Variants in PDGFB observed in about 807,000 individuals in gnomAD.
PDGFB encodes the protein platelet-derived growth factor subunit B.
Under a neutral mutation model 29.0 loss-of-function variants are expected in PDGFB, and 6 were observed. That is an observed-to-expected ratio of 0.21 (90% confidence interval 0.11 to 0.41). PDGFB has a LOEUF of 0.41. Among genes scored for constraint, PDGFB ranks in the 10% least tolerant of loss-of-function variants. PDGFB has a pLI of 1.00. For missense variants in PDGFB, 299 were observed against 341.8 expected (o/e 0.87, Z 0.99); for synonymous variants, 144 against 140.8 (o/e 1.02, Z -0.16).
Position 39,231,968 on chromosome 22 carries a change from T to C in PDGFB, c.251-141A>G. The C allele has an allele frequency of 3.0e-6, 2 of 672,644 alleles. No individual in the cohort carries two copies. The highest frequency in any genetic ancestry group is 1.9e-5 in the South Asian group (1 of 53,194). 41.7% of individuals were successfully genotyped at this position (672,644 alleles called of 1,614,324 possible). A position where few individuals can be genotyped will look rare whatever the true frequency, so the allele number is the denominator to read the frequency against. ...GGGTTCAGGTTTCAAGTCCTGGCTGTCATTAGCCATGGGACTTGGGCAGAT... is the reference window on the plus strand; with the variant it reads ...GGGTTCAGGTTTCAAGTCCTGGCTGCCATTAGCCATGGGACTTGGGCAGAT... On this transcript the variant is annotated intron_variant, in intron 3 of 6. Coordinates refer to ENST00000331163, the MANE Select transcript of PDGFB (RefSeq NM_002608.4). The surrounding 1 kb of genome is among the most constrained non-coding windows in gnomAD (Gnocchi z 4.3).
rs1932361316 is a variant in PDGFB, at chr22:39,233,452, C to T, written c.233G>A (p.Arg78His). Reference sequence around the variant, plus strand: ...AGTCTTACCCAGGCTCCTTCTTCCACGAGCCAAGCTCTCCAGCTCGCCTCC... The same window carrying T: ...AGTCTTACCCAGGCTCCTTCTTCCATGAGCCAAGCTCTCCAGCTCGCCTCC... ...HSGGELESLA[R>H]GRRSLGSLTI... Residue 78 changes from arginine to histidine, a missense_variant, in exon 3 of 7, where the codon CGT becomes CAT. Arg to His is a conservative substitution (Grantham distance 29, BLOSUM62 0). Transcript: ENST00000331163. The T allele has an allele frequency of 2.5e-6, 4 of 1,593,228 alleles. No individual in the cohort carries two copies. Among genetic ancestry groups the T allele is most frequent in the South Asian group, 1.1e-5 (1 of 88,074 alleles).
intron 2 of PDGFB, 84 bp downstream of exon 2, chr22:39,235,694 G>A (rs976426209): frequency 2.3e-5 from 22 of 946,280 alleles, no homozygotes; most frequent in Non-Finnish European, 3.3e-5. Flanking sequence ...ACGTCAAGAA[G>A]GAGGGATGCC....
chr22:39,225,927 A>G, intron 5 of PDGFB, 80 bp from the exon 6 acceptor site: 1 of 1,491,482 alleles, frequency 6.7e-7, no homozygotes, highest in Non-Finnish European at 9.1e-7. Context: ...CCTGCCATGG[A>G]CCTTCTGGGC....
chr22:39,228,893 A>AAAAAAAAAATATATATATAT lies in PDGFB; in HGVS notation c.601+1190_601+1191insATATATATATATTTTTTTTT, dbSNP rs1184799325. On this transcript the variant is annotated intron_variant, in intron 5 of 6. Transcript: ENST00000331163. Reference sequence around the variant, plus strand: ...GACAGGGTGAGACTGCCTCAAAAAAAATATATATATATATAGATATATATA... The same window carrying AAAAAAAAAATATATATATAT: ...GACAGGGTGAGACTGCCTCAAAAAAAAAAAAAAAATATATATATATATATATATATATATAGATATATATA... 1.6e-3 allele frequency among the ~76,000 whole-genome samples: 215 copies of AAAAAAAAAATATATATATAT among 132,592 alleles called. 1 individual carries two copies. Among genetic ancestry groups the AAAAAAAAAATATATATATAT allele is most frequent in the South Asian group, 0.011 (45 of 4,096 alleles). 87.0% of individuals were successfully genotyped at this position (132,592 alleles called of 152,430 possible). A position where few individuals can be genotyped will look rare whatever the true frequency, so the allele number is the denominator to read the frequency against.
At chr22:39,240,587 G>A (rs1207924234) in intron 1 of PDGFB, among the ~76,000 whole-genome samples, 1 of 151,974 alleles carries the variant, frequency 6.6e-6, no homozygotes, top group Non-Finnish European at 1.5e-5. Flanking sequence ...AGGACTCAGT[G>A]GGGCCATGGA....
chr22:39,243,775 G>A lies in PDGFB; in HGVS notation c.63+126C>T, dbSNP rs1932626645. The A allele has an allele frequency of 4.5e-6, 3 of 672,186 alleles. No individual in the cohort carries two copies. The highest frequency in any genetic ancestry group is 7.4e-6 in the Non-Finnish European group (3 of 405,404). The allele number at this position is 672,186 out of a possible 1,614,324, so 41.6% of individuals were successfully genotyped here. A position where few individuals can be genotyped will look rare whatever the true frequency, so the allele number is the denominator to read the frequency against. The stretch of plus-strand genomic sequence containing the variant: ...GCTCCCAGCCCGAAGAGGTCACCCA[G>A]CGCCCGGCGTCAGGCTCGCGGGCTG... On this transcript the variant is annotated intron_variant, in intron 1 of 6. Transcript: ENST00000331163. The surrounding 1 kb of genome is among the most constrained non-coding windows in gnomAD (Gnocchi z 6.4).
chr22:39,225,905 C>T, intron 5 of PDGFB, 58 bp from the exon 6 acceptor site: 3 of 1,562,156 alleles, frequency 1.9e-6, no homozygotes, highest in Non-Finnish European at 2.6e-6. Flanking sequence ...GGTCTCTCCC[C>T]ACTGACCAAG....
At chr22:39,240,994 T>G (rs1468883873) in intron 1 of PDGFB, 2 of 1,130,174 alleles carry the variant, frequency 1.8e-6, no homozygotes, top group Non-Finnish European at 2.6e-6. Flanking sequence ...CAAATTCTGT[T>G]TGACCTGCCC....
intron 1 of PDGFB, among the ~76,000 whole-genome samples, chr22:39,237,969 T>G (rs566635815): frequency 6.6e-6 from 1 of 152,176 alleles, no homozygotes; most frequent in African/African-American, 2.4e-5. Flanking sequence ...GGAGTAAAGA[T>G]TCAATTAACC....
intron 5 of PDGFB, among the ~76,000 whole-genome samples, chr22:39,229,868 G>T (rs1054464655): frequency 8.5e-5 from 13 of 152,352 alleles, no homozygotes; most frequent in African/African-American, 2.9e-4. Flanking sequence ...AAGGGTACTG[G>T]TTGGCAGAGA....
intron 3 of PDGFB, among the ~76,000 whole-genome samples, chr22:39,232,953 G>A (rs1307938530): frequency 6.6e-6 from 1 of 152,234 alleles, no homozygotes; most frequent in Non-Finnish European, 1.5e-5. Flanking sequence ...CTGCAAGGGA[G>A]CAGGAGGAAG....
At chr22:39,235,677 T>C in intron 2 of PDGFB, 101 bp downstream of exon 2, 2 of 823,428 alleles carry the variant, frequency 2.4e-6, no homozygotes, top group Non-Finnish European at 4.0e-6. Context: ...GGCCTCTAGT[T>C]CTCCAGACGT....
Position 39,243,183 on chromosome 22 carries a change from CT to C in PDGFB, c.63+717del, listed in dbSNP as rs962036295. Among the ~76,000 whole-genome samples the C allele has an allele frequency of 6.6e-6, 1 of 152,180 alleles. No homozygotes were observed. The highest frequency in any genetic ancestry group is 2.4e-5 in the African/African-American group (1 of 41,448). On this transcript the variant is annotated intron_variant, in intron 1 of 6. Coordinates refer to ENST00000331163, the MANE Select transcript of PDGFB (RefSeq NM_002608.4). This position sits in a 1 kb window ranked among gnomAD's most constrained non-coding sequence, Gnocchi z 6.4. Reference sequence around the variant, plus strand: ...TCCTTCAGAGCCCCTAGTCCTCCCCCTACCCGAGTGCCCGAAACCTACCTGC... The same window carrying C: ...TCCTTCAGAGCCCCTAGTCCTCCCCCACCCGAGTGCCCGAAACCTACCTGC...
chr22:39,243,978 C>T lies in PDGFB; in HGVS notation c.-15G>A, dbSNP rs1382274543. On this transcript the variant is annotated 5_prime_UTR_variant, in exon 1 of 7. Transcript: ENST00000331163. This position sits in a 1 kb window ranked among gnomAD's most constrained non-coding sequence, Gnocchi z 6.4. ...CAGCGATTCATGCCGACTCCGGGCC[C>T]GGCCCCGCGGGGCCCCGGACGCGTA... The T allele has an allele frequency of 1.3e-6, 2 of 1,519,568 alleles. No individual in the cohort carries two copies. Among genetic ancestry groups the T allele is most frequent in the African/African-American group, 1.4e-5 (1 of 70,866 alleles). The allele number at this position is 1,519,568 out of a possible 1,614,324, so 94.1% of individuals were successfully genotyped here. A position where few individuals can be genotyped will look rare whatever the true frequency, so the allele number is the denominator to read the frequency against.
chr22:39,241,621 TG>T (rs1243557102), intron 1 of PDGFB, among the ~76,000 whole-genome samples: 2 of 151,870 alleles, frequency 1.3e-5, no homozygotes, highest in African/African-American at 4.8e-5. Context: ...AAGCTGGAAA[TG>T]GTAAGGGGAG....
chr22:39,239,182 CG>C (rs1042581867), intron 1 of PDGFB, among the ~76,000 whole-genome samples: 12 of 152,208 alleles, frequency 7.9e-5, no homozygotes, highest in African/African-American at 2.9e-4. Context: ...TAATTCTTTC[CG>C]GATGGCTCCT....
At chr22:39,236,315 CA>C (rs1932441430) in intron 1 of PDGFB, among the ~76,000 whole-genome samples, 2 of 152,208 alleles carry the variant, frequency 1.3e-5, no homozygotes, top group African/African-American at 2.4e-5. Context: ...CAATTATTGG[CA>C]AAAGCTGCAT....
intron 1 of PDGFB, among the ~76,000 whole-genome samples, chr22:39,241,846 G>C (rs1364309539): frequency 6.6e-6 from 1 of 152,164 alleles, no homozygotes; most frequent in Non-Finnish European, 1.5e-5. Flanking sequence ...CCACCACGCG[G>C]AGGTGGTTGA....
Position 39,243,240 on chromosome 22 carries a change from GTCTCTCTCTCCGTCTCTC to G in PDGFB, c.63+643_63+660del, listed in dbSNP as rs1366094030. Among the ~76,000 whole-genome samples, 133 of 144,054 alleles carry G rather than the reference GTCTCTCTCTCCGTCTCTC, an allele frequency of 9.2e-4. No homozygotes were observed. The highest frequency in any genetic ancestry group is 2.3e-3 in the South Asian group (10 of 4,302). 94.5% of individuals were successfully genotyped at this position (144,054 alleles called of 152,430 possible). On this transcript the variant is annotated intron_variant, in intron 1 of 6. Coordinates refer to ENST00000331163, the MANE Select transcript of PDGFB (RefSeq NM_002608.4). This position sits in a 1 kb window ranked among gnomAD's most constrained non-coding sequence, Gnocchi z 6.4. The stretch of plus-strand genomic sequence containing the variant: ...TATCTTTCTCTCCCTCTCTCTCTCC[GTCTCTCTCTCCGTCTCTC>G]TCTCTCTCTCTCTCTTTCTCTCTCT...
Sources: gnomAD v4.1 joint callset for allele counts (sites outside exome capture counted in the v4.1 genomes callset) on GRCh38, gnomAD v4.1.1 for gene constraint, Gnocchi (gnomAD v3.1) non-coding constraint, MANE v1.5 for transcripts, NCBI Gene and HGNC (gene_info 2026-07-23, HGNC 2026-07-21) for gene names.